The following TRMT9B variants were observed in gnomAD, a reference collection of about 807,000 sequenced individuals.
TRMT9B encodes tRNA methyltransferase 9B (putative), also known as probable tRNA methyltransferase 9B.
Under a neutral mutation model 11.5 loss-of-function variants are expected in TRMT9B, and 16 were observed. That is an observed-to-expected ratio of 1.39 (90% CI 0.94 to 2.11). The LOEUF (loss-of-function observed/expected upper bound fraction) is 2.11, where lower values mean the gene tolerates loss of function less well. Ranked by LOEUF, TRMT9B falls within the 30% of genes most tolerant of loss-of-function variation. The pLI is 0.00. For synonymous variants in TRMT9B, 274 were observed against 192.4 expected (o/e 1.42, Z -3.51); for missense variants, 941 against 553.8 (o/e 1.70, Z -7.02).
chr8:13,015,180 A>G (rs1489472491), intron 4 of TRMT9B, among the ~76,000 whole-genome samples: 2 of 151,214 alleles, frequency 1.3e-5, no homozygotes, highest in African/African-American at 4.9e-5. Flanking sequence ...TTTTAACTAA[A>G]CCTTCAAATT....
intron 1 of TRMT9B, among the ~76,000 whole-genome samples, chr8:12,957,941 C>T (rs766292175): frequency 1.3e-5 from 2 of 152,170 alleles, no homozygotes; most frequent in African/African-American, 2.4e-5. Context: ...TAAACCATAA[C>T]TCCCCATCCC....
chr8:12,957,983 A>G lies in TRMT9B; in HGVS notation c.-200+12017A>G, dbSNP rs1306961846. ...TCACAGTACCTTTTTGTTGCTGTTA[A>G]AAATATCAATAAGGGATTCCACTTA... On this transcript the variant is annotated intron_variant, in intron 1 of 4. Coordinates refer to ENST00000524591, the MANE Select transcript of TRMT9B (RefSeq NM_020844.3). Among the ~76,000 whole-genome samples, 3 of 152,164 alleles carry G rather than the reference A, an allele frequency of 2.0e-5. No homozygotes were observed. In the East Asian group the frequency reaches 5.8e-4, roughly 29 times the overall value.
At chr8:12,991,832 G>A (rs544209749) in intron 2 of TRMT9B, among the ~76,000 whole-genome samples, 3 of 152,230 alleles carry the variant, frequency 2.0e-5, no homozygotes, top group African/African-American at 7.2e-5. Context: ...TCGGGAGGCT[G>A]GGTTAGGAGA....
intron 2 of TRMT9B, among the ~76,000 whole-genome samples, chr8:13,003,953 T>C (rs879433424): frequency 6.6e-6 from 1 of 151,594 alleles, no homozygotes; most frequent in Non-Finnish European, 1.5e-5. Flanking sequence ...TCCAACTCCC[T>C]GGCAGCAGCC....
chr8:12,978,010 C>T (rs369438294), intron 1 of TRMT9B, among the ~76,000 whole-genome samples: 22 of 152,258 alleles, frequency 1.4e-4, no homozygotes, highest in African/African-American at 5.3e-4. Flanking sequence ...GCCTGCATGA[C>T]AGAGCGAGAC....
At chr8:12,969,384 C>G (rs958433858) in intron 1 of TRMT9B, among the ~76,000 whole-genome samples, 1 of 152,126 alleles carries the variant, frequency 6.6e-6, no homozygotes, top group African/African-American at 2.4e-5. Context: ...CAATTGCACC[C>G]AGTCACTCCT....
At chr8:12,993,937 G>A (rs1379270867) in intron 2 of TRMT9B, among the ~76,000 whole-genome samples, 1 of 152,200 alleles carries the variant, frequency 6.6e-6, no homozygotes, top group Non-Finnish European at 1.5e-5. Context: ...TAAACCTCGG[G>A]AAAGTTACAA....
At chr8:12,957,553 G>T (rs1452961203) in intron 1 of TRMT9B, among the ~76,000 whole-genome samples, 1 of 152,080 alleles carries the variant, frequency 6.6e-6, no homozygotes, top group Non-Finnish European at 1.5e-5. Flanking sequence ...TTATGAAATA[G>T]ATCTAGGGTG....
chr8:12,992,863 C>T (rs924029528), intron 2 of TRMT9B, among the ~76,000 whole-genome samples: 5 of 152,042 alleles, frequency 3.3e-5, no homozygotes, highest in African/African-American at 9.7e-5. Flanking sequence ...AGCAAGACTC[C>T]ATCTCCAAAA....
chr8:12,998,705 C>G (rs1808811514), intron 2 of TRMT9B, among the ~76,000 whole-genome samples: 2 of 152,216 alleles, frequency 1.3e-5, no homozygotes, highest in South Asian at 2.1e-4. Flanking sequence ...TCAGAGTTCA[C>G]TAGATTTCTG....
chr8:12,985,643 C>T (rs1243940025), intron 1 of TRMT9B, among the ~76,000 whole-genome samples: 1 of 152,242 alleles, frequency 6.6e-6, no homozygotes, highest in Middle Eastern at 3.4e-3. Flanking sequence ...CATCTGTAGC[C>T]TAGTAGGTGC....
chr8:12,958,204 C>T (rs535299368), intron 1 of TRMT9B, among the ~76,000 whole-genome samples: 5 of 152,236 alleles, frequency 3.3e-5, no homozygotes, highest in South Asian at 4.1e-4. Flanking sequence ...CCATTGTTTA[C>T]GCCACATTAT....
intron 3 of TRMT9B, chr8:13,007,085 G>A (rs1810617402): frequency 6.6e-6 from 1 of 152,188 alleles, no homozygotes; most frequent in Non-Finnish European, 1.5e-5. Flanking sequence ...GAAACTAACC[G>A]TTGTAAATTT....
intron 1 of TRMT9B, among the ~76,000 whole-genome samples, chr8:12,975,922 TAAAC>T (rs1488533265): frequency 6.6e-6 from 1 of 151,972 alleles, no homozygotes; most frequent in African/African-American, 2.4e-5. Flanking sequence ...TTGGGGGCAA[TAAAC>T]AAGCATCAAC....
intron 1 of TRMT9B, among the ~76,000 whole-genome samples, chr8:12,971,091 G>A (rs1400477634): frequency 2.0e-5 from 3 of 152,030 alleles, no homozygotes; most frequent in Non-Finnish European, 2.9e-5. Context: ...TTTGCATACC[G>A]TCACCTCAAA....
chr8:12,948,093 T>C (rs1451409767), intron 1 of TRMT9B, among the ~76,000 whole-genome samples: 1 of 152,200 alleles, frequency 6.6e-6, no homozygotes, highest in Non-Finnish European at 1.5e-5. Flanking sequence ...ATAAACCCAT[T>C]GTAAATGGAA....
chr8:13,017,748 G>T (rs1813001252), intron 4 of TRMT9B, among the ~76,000 whole-genome samples: 1 of 150,194 alleles, frequency 6.7e-6, no homozygotes, highest in Non-Finnish European at 1.5e-5. Context: ...TGAGTAACTT[G>T]GACCATAGAC....
intron 1 of TRMT9B, chr8:12,952,677 G>T (rs1039873778): frequency 2.0e-6 from 2 of 984,710 alleles, no homozygotes; most frequent in African/African-American, 3.5e-5. Context: ...TGAAAATACA[G>T]TTTAAGAAGG....
rs1814293883 is a variant in TRMT9B, at chr8:13,023,668, T to G, written c.*1624T>G. On this transcript the variant is annotated 3_prime_UTR_variant, in exon 5 of 5. Coordinates refer to ENST00000524591, the MANE Select transcript of TRMT9B (RefSeq NM_020844.3). ...GAAAATTGACATCTGACAAGAGTCT[T>G]TTTACTTTATGCTGGATGAAAATCC... 1 of 167,068 alleles carries G rather than the reference T, an allele frequency of 6.0e-6. No homozygotes were observed. The highest frequency in any genetic ancestry group is 1.5e-5 in the Non-Finnish European group (1 of 68,116). The allele number at this position is 167,068 out of a possible 1,614,324, so 10.3% of individuals were successfully genotyped here.
Sources: allele counts gnomAD v4.1 joint callset (sites outside exome capture counted in the v4.1 genomes callset), GRCh38; gene constraint gnomAD v4.1.1; transcripts MANE v1.5; gene names NCBI Gene and HGNC (gene_info 2026-07-23, HGNC 2026-07-21).